Variants in UNC13C observed in about 807,000 individuals in gnomAD.
UNC13C encodes the protein unc-13 homolog C, also known as protein unc-13 homolog C.
In UNC13C, 174 loss-of-function variants were observed where a neutral mutation model predicts 245.4. That is an observed-to-expected ratio of 0.71 (90% CI 0.63 to 0.80). The LOEUF is 0.80. UNC13C is among the 30% of genes least tolerant of loss of function. The probability of loss-of-function intolerance (pLI) is 0.00; values close to 1 mark genes in which losing one functional copy is unlikely to be tolerated. For missense variants in UNC13C, 2,829 were observed against 2,602.9 expected (o/e 1.09, Z -1.89); for synonymous variants, 992 against 895.1 (o/e 1.11, Z -1.93).
intron 4 of UNC13C, among the ~76,000 whole-genome samples, chr15:54,185,262 C>A (rs1441950957): frequency 6.6e-6 from 1 of 151,920 alleles, no homozygotes; most frequent in East Asian, 1.9e-4. Flanking sequence ...TGTGCAGAAG[C>A]TCTTTAGTTT....
intron 26 of UNC13C, among the ~76,000 whole-genome samples, chr15:54,543,816 C>CA (rs930816458): frequency 6.4e-4 from 97 of 151,940 alleles, no homozygotes; most frequent in African/African-American, 2.3e-3. Flanking sequence ...ATGTACCAAC[C>CA]AAAAAAAGCC....
intron 19 of UNC13C, among the ~76,000 whole-genome samples, chr15:54,423,512 T>TA (rs1038765273): frequency 5.3e-5 from 8 of 151,824 alleles, no homozygotes; most frequent in Non-Finnish European, 7.4e-5. Context: ...TAAATATACA[T>TA]AAAAAATGTT....
At chr15:54,451,398 C>T (rs2141008611) in intron 19 of UNC13C, among the ~76,000 whole-genome samples, 1 of 151,916 alleles carries the variant, frequency 6.6e-6, no homozygotes, top group South Asian at 2.1e-4. Flanking sequence ...TCCTTCTGGG[C>T]CTCTGAAAAT....
At chr15:53,979,668 C>T (rs938026703) in intron 1 of UNC13C, among the ~76,000 whole-genome samples, 15 of 151,980 alleles carry the variant, frequency 9.9e-5, no homozygotes, top group African/African-American at 2.9e-4. Flanking sequence ...AGTACCTAGA[C>T]GGAGATGACA....
intron 2 of UNC13C, among the ~76,000 whole-genome samples, chr15:54,020,457 TTTTTTTA>T (rs1032655053): frequency 8.2e-5 from 11 of 134,306 alleles, no homozygotes; most frequent in East Asian, 4.1e-4. Context: ...TTTTTTTTTT[TTTTTTTA>T]ATTAGAGATG....
At chr15:54,022,624 G>T (rs1181020268) in intron 2 of UNC13C, among the ~76,000 whole-genome samples, 3 of 152,062 alleles carry the variant, frequency 2.0e-5, no homozygotes, top group African/African-American at 7.2e-5. Flanking sequence ...ACTTGTTTGG[G>T]TTCCTTATGT....
chr15:54,185,576 G>C (rs1320682421), intron 4 of UNC13C, among the ~76,000 whole-genome samples: 1 of 150,272 alleles, frequency 6.7e-6, no homozygotes, highest in Non-Finnish European at 1.5e-5. Context: ...AGATCAGATA[G>C]TTGTAGATAT....
At chr15:54,331,380 A>C (rs1482976716) in intron 14 of UNC13C, among the ~76,000 whole-genome samples, 1 of 152,062 alleles carries the variant, frequency 6.6e-6, no homozygotes, top group Non-Finnish European at 1.5e-5. Context: ...ACCATCTTCA[A>C]ATACTTCTGT....
chr15:54,036,943 A>G (rs1460338494), intron 2 of UNC13C, among the ~76,000 whole-genome samples: 2 of 152,240 alleles, frequency 1.3e-5, no homozygotes, highest in Non-Finnish European at 2.9e-5. Context: ...TCTGCTCTTA[A>G]GTCACGAGAA....
At chr15:54,024,772 G>A (rs530162998) in intron 2 of UNC13C, among the ~76,000 whole-genome samples, 2 of 152,120 alleles carry the variant, frequency 1.3e-5, no homozygotes, top group South Asian at 2.1e-4. Flanking sequence ...AAAATTAGCC[G>A]GGCGTGGTCC....
downstream of UNC13C, chr15:54,632,022 GTTC>G (rs1225650895): frequency 6.6e-5 from 10 of 152,006 alleles, no homozygotes; most frequent in African/African-American, 2.2e-4. Context: ...CTTTATTTTA[GTTC>G]TTCTTCTGAT....
In UNC13C at chr15:54,627,431, G is replaced by A. The variant is rs897782919; in HGVS notation, c.*318G>A. ...ACTAGTCTTTTGAGTTTGCCCATCA[G>A]TTGTCTTTGTTAAATGAGATTATAT... On this transcript the variant is annotated 3_prime_UTR_variant, in exon 33 of 33. Coordinates refer to ENST00000260323, the MANE Select transcript of UNC13C (RefSeq NM_001080534.3). The A allele has an allele frequency of 5.1e-6, 1 of 194,526 alleles. No individual in the cohort carries two copies. Among genetic ancestry groups the A allele is most frequent in the Non-Finnish European group, 1.1e-5 (1 of 94,120 alleles). 12.0% of individuals were successfully genotyped at this position (194,526 alleles called of 1,614,324 possible). A position where few individuals can be genotyped will look rare whatever the true frequency, so the allele number is the denominator to read the frequency against.
chr15:54,583,963 G>A (rs912811819), intron 30 of UNC13C, among the ~76,000 whole-genome samples: 46 of 152,286 alleles, frequency 3.0e-4, no homozygotes, highest in Non-Finnish European at 4.7e-4. Context: ...CCCTAACTGT[G>A]CTCTCTGGCT....
chr15:53,929,360 T>C, the UNC13C span, among the ~76,000 whole-genome samples: 1 of 152,138 alleles, frequency 6.6e-6, no homozygotes, highest in Non-Finnish European at 1.5e-5. Context: ...CCAAACCATA[T>C]CATTTTTACC....
chr15:54,190,487 T>C (rs2034147074), intron 4 of UNC13C, among the ~76,000 whole-genome samples: 1 of 152,140 alleles, frequency 6.6e-6, no homozygotes, highest in South Asian at 2.1e-4. Flanking sequence ...TAGGTCTTTA[T>C]GTATGTAAAT....
chr15:54,418,208 T>C (rs1255147341), intron 19 of UNC13C, among the ~76,000 whole-genome samples: 2 of 152,134 alleles, frequency 1.3e-5, no homozygotes, highest in Non-Finnish European at 2.9e-5. Flanking sequence ...TAACAATCTA[T>C]TTTACATTAG....
At chr15:54,422,356 C>T (rs1289569421) in intron 19 of UNC13C, among the ~76,000 whole-genome samples, 2 of 152,010 alleles carry the variant, frequency 1.3e-5, no homozygotes, top group Non-Finnish European at 2.9e-5. Flanking sequence ...CATTTCCACT[C>T]TTGCTTTCTT....
chr15:54,529,651 A>G (rs958131722), intron 25 of UNC13C, among the ~76,000 whole-genome samples: 2 of 152,206 alleles, frequency 1.3e-5, no homozygotes, highest in African/African-American at 4.8e-5. Flanking sequence ...ACATTCCTAA[A>G]CTTCTACTTA....
chr15:53,926,711 G>A, the UNC13C span, among the ~76,000 whole-genome samples: 3 of 147,638 alleles, frequency 2.0e-5, no homozygotes, highest in African/African-American at 7.5e-5. Context: ...CACAAAGGAA[G>A]CGAGTAACTT....
Sources: gnomAD v4.1 joint callset for allele counts (sites outside exome capture counted in the v4.1 genomes callset) on GRCh38, gnomAD v4.1.1 for gene constraint, MANE v1.5 for transcripts, NCBI Gene and HGNC (gene_info 2026-07-23, HGNC 2026-07-21) for gene names.